Variants in SCN11A observed in about 807,000 individuals in gnomAD.
SCN11A encodes the protein sodium voltage-gated channel alpha subunit 11.
In SCN11A, 122 loss-of-function variants were observed where a neutral mutation model predicts 162.2. The ratio of observed to expected loss-of-function variants is 0.75; its 90% CI spans 0.65 to 0.87. SCN11A has a LOEUF of 0.87. SCN11A is among the 40% of genes least tolerant of loss of function. The pLI is 0.00. For missense variants in SCN11A, 2,015 were observed against 2,181.6 expected (o/e 0.92, Z 1.52); for synonymous variants, 758 against 751.5 (o/e 1.01, Z -0.14).
chr3:38,909,049 G>T lies in SCN11A; in HGVS notation c.1247C>A (p.Ala416Asp). ...QNKNVAAEIE[A>D]KEKMFQEAQQ... is the part of the protein sequence containing the mutation. Reference sequence around the variant, plus strand: ...GGCTTCCTGAAACATCTTTTCCTTGGCCTCTATCTCTGCAGCTACATTCTT... The same window carrying T: ...GGCTTCCTGAAACATCTTTTCCTTGTCCTCTATCTCTGCAGCTACATTCTT... Residue 416 changes from alanine to aspartate, a missense_variant, in exon 13 of 30, where the codon GCC (alanine) becomes GAC (aspartate). Ala to Asp is a moderately radical substitution (Grantham distance 126, BLOSUM62 -2). Transcript: ENST00000302328. 1.2e-6 allele frequency: 2 copies of T among 1,613,790 alleles called. No homozygotes were observed. Among genetic ancestry groups the T allele is most frequent in the Non-Finnish European group, 1.7e-6 (2 of 1,179,928 alleles).
rs575255550 is a variant in SCN11A at position 38,897,339 on chromosome 3, C to A, written c.2023-114G>T. On this transcript the variant is annotated intron_variant, in intron 17 of 29. Coordinates refer to ENST00000302328, the MANE Select transcript of SCN11A (RefSeq NM_001349253.2). ...CCAAACTTATGACATCCAAAACTCT[C>A]TTCAAAGTTAAATCTATCCTGAACA... 4.3e-5 allele frequency: 45 copies of A among 1,043,730 alleles called. No homozygotes were observed. The East Asian group carries it at 1.1e-3, about 25-fold the overall frequency. 64.7% of individuals were successfully genotyped at this position (1,043,730 alleles called of 1,614,324 possible).
intron 2 of SCN11A, among the ~76,000 whole-genome samples, chr3:38,984,986 T>C (rs146627295): frequency 1.4e-5 from 2 of 142,944 alleles, no homozygotes; most frequent in East Asian, 3.9e-4. Context: ...GAGGCAGAGA[T>C]GTAGGCAGGG....
chr3:38,949,106 A>G (rs1476141421), intron 5 of SCN11A, among the ~76,000 whole-genome samples: 1 of 152,252 alleles, frequency 6.6e-6, no homozygotes, highest in Non-Finnish European at 1.5e-5. Context: ...TATGGATGCC[A>G]GCCAAAGATG....
intron 1 of SCN11A, among the ~76,000 whole-genome samples, chr3:39,036,524 G>C (rs1213407869): frequency 6.6e-6 from 1 of 152,182 alleles, no homozygotes; most frequent in Non-Finnish European, 1.5e-5. Flanking sequence ...AAGCTAAAAA[G>C]CTTCTGCACA....
At chr3:38,937,174 G>C (rs1177815757) in intron 7 of SCN11A, among the ~76,000 whole-genome samples, 7 of 151,762 alleles carry the variant, frequency 4.6e-5, no homozygotes, top group Non-Finnish European at 8.8e-5. Flanking sequence ...GCCATATGTA[G>C]AAAGCTGAAA....
At chr3:38,904,286 T>C (rs1054622707) in intron 15 of SCN11A, among the ~76,000 whole-genome samples, 183 bp from the exon 16 acceptor site, 19 of 152,132 alleles carry the variant, frequency 1.2e-4, no homozygotes, top group Non-Finnish European at 2.5e-4. Context: ...GAGACAATGT[T>C]CCACATACAA....
Position 38,850,688 on chromosome 3 carries a change from T to C in SCN11A, c.4120A>G (p.Ser1374Gly), listed in dbSNP as rs746252732. The C allele has an allele frequency of 1.6e-5, 26 of 1,613,268 alleles. No individual in the cohort carries two copies. Among genetic ancestry groups the C allele is most frequent in the South Asian group, 1.1e-4 (10 of 91,048 alleles). ...TSQIFDIIII[S>G]LIILNMISMM... Reference sequence around the variant, plus strand: ...CTAATCATGTTTAGGATAATGAGACTTATGATGATGATGTCAAAGATCTGG... The same window carrying C: ...CTAATCATGTTTAGGATAATGAGACCTATGATGATGATGTCAAAGATCTGG... The change falls in exon 29 of 30, where the codon AGT (serine) becomes GGT (glycine). Residue 1374 changes from serine to glycine, a missense_variant. Physicochemically the swap from Ser to Gly is moderately conservative, Grantham distance 56. Coordinates refer to ENST00000302328, the MANE Select transcript of SCN11A (RefSeq NM_001349253.2).
chr3:38,935,953 G>T (rs931724705), intron 7 of SCN11A, among the ~76,000 whole-genome samples: 1 of 152,158 alleles, frequency 6.6e-6, no homozygotes, highest in Non-Finnish European at 1.5e-5. Context: ...TGATGAACTT[G>T]GATGCAAAAA....
chr3:38,904,738 G>A (rs1347736813), intron 15 of SCN11A, among the ~76,000 whole-genome samples: 5 of 152,148 alleles, frequency 3.3e-5, no homozygotes, highest in Non-Finnish European at 7.4e-5. Context: ...TATTAATCTG[G>A]TCCATCAGAT....
intron 11 of SCN11A, among the ~76,000 whole-genome samples, chr3:38,916,871 A>C (rs1036686840): frequency 6.6e-6 from 1 of 152,178 alleles, no homozygotes; most frequent in African/African-American, 2.4e-5. Context: ...AAAAGACCAA[A>C]GCCTGCCTGG....
chr3:38,945,781 G>A (rs1268550801), intron 6 of SCN11A, among the ~76,000 whole-genome samples: 4 of 152,132 alleles, frequency 2.6e-5, no homozygotes, highest in Non-Finnish European at 5.9e-5. Context: ...ACAATTCTGT[G>A]GTGCAATTCA....
Position 38,925,491 on chromosome 3 carries a change from T to G in SCN11A, c.636A>C (p.Pro212=), listed in dbSNP as rs1166050673. The change falls in exon 9 of 30, where the codon CCA becomes CCC. Residue 212 remains proline (P), a synonymous_variant. Transcript: ENST00000302328. ...VIGIAIVSYI[P]GITIKLLPLR... ...GGGGCAATAGTTTGATGGTGATTCCTGGAATATATGACACAATCCTACAAG... is the reference window on the plus strand; with the variant it reads ...GGGGCAATAGTTTGATGGTGATTCCGGGAATATATGACACAATCCTACAAG... 6.2e-7 allele frequency: 1 copy of G among 1,612,686 alleles called. No individual in the cohort carries two copies. The highest frequency in any genetic ancestry group is 1.1e-5 in the South Asian group (1 of 91,046).
At chr3:39,013,269 TAACA>T (rs760548565) in intron 2 of SCN11A, among the ~76,000 whole-genome samples, 8 of 152,248 alleles carry the variant, frequency 5.3e-5, no homozygotes, top group Non-Finnish European at 1.2e-4. Flanking sequence ...TTGGCAGGTA[TAACA>T]AACTAAGTGA....
intron 4 of SCN11A, among the ~76,000 whole-genome samples, chr3:38,951,940 G>A (rs1352635038): frequency 6.6e-6 from 1 of 152,146 alleles, no homozygotes; most frequent in Non-Finnish European, 1.5e-5. Flanking sequence ...GGAGCCAGCA[G>A]TGGCAACCCG....
intron 1 of SCN11A, among the ~76,000 whole-genome samples, chr3:39,043,855 G>A (rs2032118202): frequency 6.6e-6 from 1 of 151,996 alleles, no homozygotes; most frequent in Non-Finnish European, 1.5e-5. Flanking sequence ...TAATAAAAAG[G>A]ATAAATGCAA....
chr3:38,867,257 G>A, intron 27 of SCN11A, 64 bp downstream of exon 27: 1 of 1,470,386 alleles, frequency 6.8e-7, no homozygotes. Context: ...CCAGAATTAT[G>A]TTTTGTTAAT....
chr3:39,033,030 G>A (rs1047883726), intron 1 of SCN11A, among the ~76,000 whole-genome samples: 4 of 152,210 alleles, frequency 2.6e-5, no homozygotes, highest in Middle Eastern at 3.4e-3. Context: ...GCGGGCGCCC[G>A]TAATCCCAGC....
In SCN11A at chr3:38,883,224, A is replaced by T. The variant is rs967188179; in HGVS notation, c.3219+9T>A. ...TGCCCAATGTCTCCACAAGACAATG[A>T]TGATTTACCAGTGCCCCACTGCTCA... On this transcript the variant is annotated intron_variant, in intron 22 of 29. Transcript: ENST00000302328. The T allele has an allele frequency of 6.2e-7, 1 of 1,609,810 alleles. No homozygotes were observed. The highest frequency in any genetic ancestry group is 1.7e-5 in the Admixed American group (1 of 59,652).
At chr3:38,896,129 A>C (rs1229269222) in intron 18 of SCN11A, among the ~76,000 whole-genome samples, 2 of 152,168 alleles carry the variant, frequency 1.3e-5, no homozygotes, top group Non-Finnish European at 2.9e-5. Flanking sequence ...TTATGACATG[A>C]ATACAGGTTT....
Sources: gnomAD v4.1 joint callset for allele counts (sites outside exome capture counted in the v4.1 genomes callset) on GRCh38, gnomAD v4.1.1 for gene constraint, MANE v1.5 for transcripts, NCBI Gene and HGNC (gene_info 2026-07-23, HGNC 2026-07-21) for gene names.